Variants in AGPAT4 observed in about 807,000 individuals in gnomAD.
AGPAT4 encodes 1-acylglycerol-3-phosphate O-acyltransferase 4.
AGPAT4 carries 15 observed loss-of-function variants against 48.0 expected under a neutral mutation model. That is an observed-to-expected ratio of 0.31 (90% CI 0.21 to 0.48). The LOEUF (loss-of-function observed/expected upper bound fraction) is 0.48, where lower values mean the gene tolerates loss of function less well. Among genes scored for constraint, AGPAT4 ranks in the 20% least tolerant of loss-of-function variants. The probability of loss-of-function intolerance (pLI) is 0.99; values close to 1 mark genes in which losing one functional copy is unlikely to be tolerated. For missense variants in AGPAT4, 314 were observed against 482.5 expected (o/e 0.65, Z 3.27); for synonymous variants, 178 against 198.7 (o/e 0.90, Z 0.88).
chr6:161,181,403 C>T (rs926591051), intron 2 of AGPAT4, among the ~76,000 whole-genome samples: 2 of 151,876 alleles, frequency 1.3e-5, no homozygotes, highest in Admixed American at 6.6e-5. Context: ...CCCACTCTGT[C>T]CCCTCTTCTA....
intron 1 of AGPAT4, among the ~76,000 whole-genome samples, chr6:161,237,477 G>A (rs550570158): frequency 1.3e-5 from 2 of 152,198 alleles, no homozygotes; most frequent in Admixed American, 6.5e-5. Flanking sequence ...GGATGGGAGA[G>A]ACAAAGGGGG....
rs1412059304 is a variant in AGPAT4 at position 161,196,972 on chromosome 6, T to C, written c.179-30555A>G. ...CTCCAGGCACTGGGGAAGTCAGCTG[T>C]GAACAAGAGGCAAAGTCTGTGTCCT... On this transcript the variant is annotated intron_variant, in intron 2 of 8. Transcript: ENST00000320285. This position sits in a 1 kb window ranked among gnomAD's most constrained non-coding sequence, Gnocchi z 4.3. Among the ~76,000 whole-genome samples, 1 of 152,106 alleles carries C rather than the reference T, an allele frequency of 6.6e-6. No individual in the cohort carries two copies. The highest frequency in any genetic ancestry group is 2.4e-5 in the African/African-American group (1 of 41,414).
At chr6:161,209,201 G>A (rs1473936693) in intron 2 of AGPAT4, among the ~76,000 whole-genome samples, 2 of 152,152 alleles carry the variant, frequency 1.3e-5, no homozygotes, top group Non-Finnish European at 1.5e-5. Flanking sequence ...CTGGAGAAGA[G>A]CTGAGCAGAA....
In AGPAT4 at chr6:161,154,176, G is replaced by T; in HGVS notation, c.483C>A (p.His161Gln). ...DRKTVATSLQ[H>Q]LRDYPEKYFF... ...AATACTTCTCGGGGTAGTCCCGGAG[G>T]TGCTGCAAACTGGTGGCAACCGTCT... is the stretch of plus-strand genomic sequence containing the variant. The change falls in exon 4 of 9, where the codon CAC becomes CAA. Residue 161 changes from histidine to glutamine, a missense_variant. Physicochemically the swap from His to Gln is conservative, Grantham distance 24 (BLOSUM62 0). Coordinates refer to ENST00000320285, the MANE Select transcript of AGPAT4 (RefSeq NM_020133.3). The surrounding 1 kb of genome is among the most constrained non-coding windows in gnomAD (Gnocchi z 7.8). 6.2e-7 allele frequency: 1 copy of T among 1,614,130 alleles called. No homozygotes were observed. The highest frequency in any genetic ancestry group is 1.1e-5 in the South Asian group (1 of 91,072).
chr6:161,209,766 C>T (rs1379251782), intron 2 of AGPAT4, among the ~76,000 whole-genome samples: 8 of 151,884 alleles, frequency 5.3e-5, no homozygotes, highest in East Asian at 1.9e-4. Context: ...GGTGTTCAAC[C>T]GACGTTTGTT....
At chr6:161,199,440 T>C (rs770733456) in intron 2 of AGPAT4, among the ~76,000 whole-genome samples, 4 of 152,200 alleles carry the variant, frequency 2.6e-5, no homozygotes, top group Non-Finnish European at 5.9e-5. Context: ...TTGGTAGATG[T>C]GGTCATACAC....
Position 161,131,743 on chromosome 6 carries a change from CTA to C in AGPAT4, c.*4795_*4796del, listed in dbSNP as rs1348088266. 1 of 152,228 alleles carries C rather than the reference CTA, an allele frequency of 6.6e-6. No homozygotes were observed. The highest frequency in any genetic ancestry group is 2.4e-5 in the African/African-American group (1 of 41,454). The allele number at this position is 152,228 out of a possible 1,614,324, so 9.4% of individuals were successfully genotyped here. A position where few individuals can be genotyped will look rare whatever the true frequency, so the allele number is the denominator to read the frequency against. ...AAACAGTTGAATGTCGTGATCGATA[CTA>C]TGTCAGTTGGTGATGAATGCTGTGA... On this transcript the variant is annotated 3_prime_UTR_variant, in exon 9 of 9. Transcript: ENST00000320285.
intron 2 of AGPAT4, among the ~76,000 whole-genome samples, chr6:161,199,122 G>C (rs1462207532): frequency 6.6e-6 from 1 of 151,306 alleles, no homozygotes; most frequent in Non-Finnish European, 1.5e-5. Context: ...AAAAAAACAC[G>C]TTAATTGGCC....
chr6:161,182,457 T>C (rs1241394390), intron 2 of AGPAT4, among the ~76,000 whole-genome samples: 5 of 134,334 alleles, frequency 3.7e-5, no homozygotes, highest in African/African-American at 1.4e-4. Context: ...AGTGTCACCC[T>C]ATCCCCTCAC....
intron 1 of AGPAT4, among the ~76,000 whole-genome samples, chr6:161,268,185 A>G (rs1783319104): frequency 6.6e-6 from 1 of 152,190 alleles, no homozygotes; most frequent in Non-Finnish European, 1.5e-5. Context: ...TGTGAAGTCC[A>G]TGTACTGGCA....
chr6:161,150,560 C>T (rs1319628942), intron 5 of AGPAT4, among the ~76,000 whole-genome samples: 1 of 152,190 alleles, frequency 6.6e-6, no homozygotes, highest in African/African-American at 2.4e-5. Flanking sequence ...AATAAATCAC[C>T]ATCTGTTTTC....
At position 161,133,341 on chromosome 6, in the gene AGPAT4, A is replaced by AATC. The variant is rs1188935759; in HGVS notation, c.*3196_*3198dup. 1 of 152,224 alleles carries AATC rather than the reference A, an allele frequency of 6.6e-6. No homozygotes were observed. The highest frequency in any genetic ancestry group is 1.5e-5 in the Non-Finnish European group (1 of 68,036). The allele number at this position is 152,224 out of a possible 1,614,324, so 9.4% of individuals were successfully genotyped here. A position where few individuals can be genotyped will look rare whatever the true frequency, so the allele number is the denominator to read the frequency against. On this transcript the variant is annotated 3_prime_UTR_variant, in exon 9 of 9. Coordinates refer to ENST00000320285, the MANE Select transcript of AGPAT4 (RefSeq NM_020133.3). The stretch of plus-strand genomic sequence containing the variant: ...AACCCTAATGTTTTAAAATTTTTTT[A>AATC]ATCATCAGCTGCTTTTACAAAGCTT...
At chr6:161,186,454 C>A (rs1198294138) in intron 2 of AGPAT4, among the ~76,000 whole-genome samples, 1 of 152,132 alleles carries the variant, frequency 6.6e-6, no homozygotes, top group Non-Finnish European at 1.5e-5. Flanking sequence ...CTGCAGTCCA[C>A]CGGCTCGCTG....
rs1017265095 is a variant in AGPAT4, at chr6:161,169,138, A to G, written c.179-2721T>C. Among the ~76,000 whole-genome samples the G allele has an allele frequency of 3.3e-5, 5 of 152,210 alleles. No individual in the cohort carries two copies. The highest frequency in any genetic ancestry group is 1.2e-4 in the African/African-American group (5 of 41,450). On this transcript the variant is annotated intron_variant, in intron 2 of 8. Transcript: ENST00000320285. This position sits in a 1 kb window ranked among gnomAD's most constrained non-coding sequence, Gnocchi z 5.0. ...CAGATGGAGAGAAACCCAGAGAGAG[A>G]ACATCACAGAGACTTCTGGGTTACC...
chr6:161,136,734 G>A (rs371063208), intron 8 of AGPAT4, 100 bp from the exon 9 acceptor site: 2 of 1,020,086 alleles, frequency 2.0e-6, no homozygotes, highest in East Asian at 2.4e-5. Context: ...CAAATCACAA[G>A]CGCCAGCTCA....
rs1244186212 is a variant in AGPAT4, at chr6:161,262,480, T to C, written c.-90+11458A>G. 6.6e-6 allele frequency among the ~76,000 whole-genome samples: 1 copy of C among 152,150 alleles called. No individual in the cohort carries two copies. Among genetic ancestry groups the C allele is most frequent in the African/African-American group, 2.4e-5 (1 of 41,430 alleles). ...CTCTATACTAGCTCATTCCTTTTTTTTTTCCCCCTCCTCATTATTCTCTCA... is the reference window on the plus strand; with the variant it reads ...CTCTATACTAGCTCATTCCTTTTTTCTTTCCCCCTCCTCATTATTCTCTCA... On this transcript the variant is annotated intron_variant, in intron 1 of 8. Transcript: ENST00000320285. The surrounding 1 kb of genome is among the most constrained non-coding windows in gnomAD (Gnocchi z 4.9).
At chr6:161,150,214 C>G (rs1779549517) in intron 5 of AGPAT4, among the ~76,000 whole-genome samples, 1 of 152,184 alleles carries the variant, frequency 6.6e-6, no homozygotes, top group African/African-American at 2.4e-5. Flanking sequence ...TGGAAAATGG[C>G]TACTTGCTGA....
Position 161,219,104 on chromosome 6 carries a change from G to A in AGPAT4, c.178+12932C>T, listed in dbSNP as rs1167967044. 6.6e-6 allele frequency among the ~76,000 whole-genome samples: 1 copy of A among 152,000 alleles called. No individual in the cohort carries two copies. Among genetic ancestry groups the A allele is most frequent in the Non-Finnish European group, 1.5e-5 (1 of 67,988 alleles). On this transcript the variant is annotated intron_variant, in intron 2 of 8. Transcript: ENST00000320285. The surrounding 1 kb of genome is among the most constrained non-coding windows in gnomAD (Gnocchi z 4.9). ...AGAGAAAAATACAAAAATATTTTTT[G>A]CCATTAGGATTTCCTTGCTTTAGAG...
Position 161,153,387 on chromosome 6 carries a change from G to C in AGPAT4, c.623C>G (p.Thr208Ser), listed in dbSNP as rs748017058. 2.5e-6 allele frequency: 4 copies of C among 1,610,920 alleles called. No homozygotes were observed. The South Asian group carries it at 4.4e-5, about 18-fold the overall frequency. ...CCTCACGGTGATGGCGAAGCCCTTG[G>C]TTCGTGGCAACAGGTGATGCTTGAG... ...PRLKHHLLPR[T>S]KGFAITVRSL... The change falls in exon 5 of 9, where the codon ACC (threonine) becomes AGC (serine). Residue 208 changes from threonine to serine, a missense_variant. By Grantham distance (58) the Thr-to-Ser change is moderately conservative. Coordinates refer to ENST00000320285, the MANE Select transcript of AGPAT4 (RefSeq NM_020133.3).
Sources: gnomAD v4.1 joint callset for allele counts (sites outside exome capture counted in the v4.1 genomes callset) on GRCh38, gnomAD v4.1.1 for gene constraint, Gnocchi (gnomAD v3.1) non-coding constraint, MANE v1.5 for transcripts, NCBI Gene and HGNC (gene_info 2026-07-23, HGNC 2026-07-21) for gene names.